The following FBXL17 variants were observed in gnomAD, a reference collection of about 807,000 sequenced individuals.
FBXL17 encodes the protein F-box and leucine rich repeat protein 17, also known as F-box/LRR-repeat protein 17.
Under a neutral mutation model 66.2 loss-of-function variants are expected in FBXL17, and 22 were observed. The observed-to-expected ratio is 0.33, with a 90% confidence interval of 0.24 to 0.47. The LOEUF is 0.47. Among genes scored for constraint, FBXL17 ranks in the 20% least tolerant of loss-of-function variants. FBXL17 has a pLI of 1.00. For missense variants in FBXL17, 878 were observed against 948.2 expected (o/e 0.93, Z 0.97); for synonymous variants, 474 against 400.5 (o/e 1.18, Z -2.19).
chr5:107,928,879 C>T (rs1189754161), intron 7 of FBXL17, among the ~76,000 whole-genome samples: 64 of 152,246 alleles, frequency 4.2e-4, no homozygotes, highest in Non-Finnish European at 4.4e-5. Flanking sequence ...CATATTTCCT[C>T]ATCACCTCTC....
At chr5:108,249,434 T>C (rs1204647946) in intron 4 of FBXL17, among the ~76,000 whole-genome samples, 1 of 152,302 alleles carries the variant, frequency 6.6e-6, no homozygotes, top group East Asian at 1.9e-4. Context: ...ACAAATATAC[T>C]GCCTCATTCT....
intron 6 of FBXL17, among the ~76,000 whole-genome samples, chr5:108,035,613 C>A (rs906513705): frequency 1.4e-4 from 22 of 152,038 alleles, no homozygotes; most frequent in African/African-American, 5.3e-4. Context: ...GTGATCCACC[C>A]GCCTCGGCCT....
At chr5:108,108,480 T>C (rs1010863709) in intron 6 of FBXL17, among the ~76,000 whole-genome samples, 1 of 152,214 alleles carries the variant, frequency 6.6e-6, no homozygotes, top group Non-Finnish European at 1.5e-5. Flanking sequence ...GGTGCATATC[T>C]AGCACGTTTA....
intron 6 of FBXL17, among the ~76,000 whole-genome samples, chr5:108,128,802 T>C (rs1466176085): frequency 6.6e-6 from 1 of 152,142 alleles, no homozygotes; most frequent in African/African-American, 2.4e-5. Flanking sequence ...GCTACCCATG[T>C]ATATTTCTAT....
At chr5:107,932,355 A>G (rs1561326897) in intron 7 of FBXL17, among the ~76,000 whole-genome samples, 1 of 152,184 alleles carries the variant, frequency 6.6e-6, no homozygotes, top group Non-Finnish European at 1.5e-5. Flanking sequence ...ACTACATTTA[A>G]AGAATACGTT....
chr5:107,966,899 T>C (rs995397596), intron 7 of FBXL17, among the ~76,000 whole-genome samples: 3 of 152,246 alleles, frequency 2.0e-5, no homozygotes, highest in Admixed American at 2.0e-4. Flanking sequence ...TGTGTGTTTC[T>C]TTTTTCCTTG....
chr5:108,111,632 G>C (rs1330883618), intron 6 of FBXL17, among the ~76,000 whole-genome samples: 3 of 152,118 alleles, frequency 2.0e-5, no homozygotes, highest in Non-Finnish European at 4.4e-5. Flanking sequence ...AAGACCTTCT[G>C]ATCTCTCAGG....
chr5:108,184,995 T>C (rs929434221), intron 6 of FBXL17, among the ~76,000 whole-genome samples: 3 of 152,160 alleles, frequency 2.0e-5, no homozygotes, highest in Non-Finnish European at 2.9e-5. Context: ...TCAGTAGTGC[T>C]AGCGCTACTC....
intron 4 of FBXL17, among the ~76,000 whole-genome samples, chr5:108,247,901 A>G (rs1756175999): frequency 2.6e-5 from 4 of 152,166 alleles, no homozygotes. Context: ...GAACAGCTAA[A>G]AACTCTGGAC....
At chr5:108,176,610 C>T (rs1752802311) in intron 6 of FBXL17, among the ~76,000 whole-genome samples, 1 of 152,102 alleles carries the variant, frequency 6.6e-6, no homozygotes, top group Non-Finnish European at 1.5e-5. Flanking sequence ...AGTCCCATCT[C>T]ATCTCTTGAA....
At chr5:108,234,334 C>A (rs1755501284) in intron 4 of FBXL17, among the ~76,000 whole-genome samples, 2 of 152,178 alleles carry the variant, frequency 1.3e-5, no homozygotes, top group South Asian at 4.1e-4. Flanking sequence ...GCTAAGTCCT[C>A]TCTATCCATC....
intron 5 of FBXL17, among the ~76,000 whole-genome samples, chr5:108,187,334 C>A (rs1261459879): frequency 6.6e-6 from 1 of 152,030 alleles, no homozygotes; most frequent in Admixed American, 6.6e-5. Context: ...AACACAAATA[C>A]CCCTCCCACC....
At chr5:108,043,318 T>C (rs1210884109) in intron 6 of FBXL17, among the ~76,000 whole-genome samples, 2 of 152,072 alleles carry the variant, frequency 1.3e-5, no homozygotes, top group African/African-American at 2.4e-5. Flanking sequence ...ACCCTGAAGG[T>C]TTTTCCCCCC....
At chr5:107,944,184 A>G (rs1444416877) in intron 7 of FBXL17, among the ~76,000 whole-genome samples, 3 of 152,100 alleles carry the variant, frequency 2.0e-5, no homozygotes, top group Admixed American at 6.6e-5. Context: ...ACATTTGTCT[A>G]TTTTGCATTT....
At position 107,995,256 on chromosome 5, in the gene FBXL17, A is replaced by C. The variant is rs1753423837; in HGVS notation, c.1822+25669T>G. 2.0e-5 allele frequency among the ~76,000 whole-genome samples: 3 copies of C among 152,240 alleles called. No homozygotes were observed. The South Asian group carries it at 6.2e-4, about 32-fold the overall frequency. On this transcript the variant is annotated intron_variant, in intron 7 of 8. Coordinates refer to ENST00000542267, the MANE Select transcript of FBXL17 (RefSeq NM_001163315.3). ...TTAGAAAAATATTTTCACATTTATAAATACATATAAAATACAGAAATGATT... is the reference window on the plus strand; with the variant it reads ...TTAGAAAAATATTTTCACATTTATACATACATATAAAATACAGAAATGATT...
At chr5:108,225,663 C>T (rs1417391675) in intron 4 of FBXL17, among the ~76,000 whole-genome samples, 1 of 152,190 alleles carries the variant, frequency 6.6e-6, no homozygotes, top group East Asian at 1.9e-4. Context: ...GGCTCTAGAA[C>T]TGTGACACCA....
At chr5:108,335,400 C>T (rs1760332749) in intron 4 of FBXL17, among the ~76,000 whole-genome samples, 1 of 150,346 alleles carries the variant, frequency 6.7e-6, no homozygotes. Flanking sequence ...GAAGAGGAAA[C>T]TGCATGATTA....
chr5:107,899,417 G>C (rs1749492844), intron 7 of FBXL17, among the ~76,000 whole-genome samples: 1 of 152,082 alleles, frequency 6.6e-6, no homozygotes, highest in Non-Finnish European at 1.5e-5. Context: ...GAGGCGAGAG[G>C]GACAGCCTGA....
intron 1 of FBXL17, among the ~76,000 whole-genome samples, chr5:108,375,270 AG>A (rs1749340575): frequency 6.6e-6 from 1 of 151,986 alleles, no homozygotes; most frequent in Non-Finnish European, 1.5e-5. Flanking sequence ...CAAGAGGGAA[AG>A]TCACTTGAGC....
Sources: allele counts gnomAD v4.1 joint callset (sites outside exome capture counted in the v4.1 genomes callset), GRCh38; gene constraint gnomAD v4.1.1; transcripts MANE v1.5; gene names NCBI Gene and HGNC (gene_info 2026-07-23, HGNC 2026-07-21).